ZNF184: variants seen among roughly 807,000 people sequenced by gnomAD.
ZNF184 encodes zinc finger protein 184 (Kruppel-like).
A neutral mutation model predicts 54.4 loss-of-function variants in ZNF184; 16 were observed. The ratio of observed to expected loss-of-function variants is 0.29; its 90% CI spans 0.20 to 0.45. The LOEUF (loss-of-function observed/expected upper bound fraction) is 0.45, where lower values mean the gene tolerates loss of function less well. Ranked by LOEUF, ZNF184 falls within the 20% of genes least tolerant of loss-of-function variation. The pLI is 1.00. For missense variants in ZNF184, 681 were observed against 888.2 expected (o/e 0.77, Z 2.97); for synonymous variants, 254 against 295.3 (o/e 0.86, Z 1.43).
the ZNF184 span, among the ~76,000 whole-genome samples, chr6:27,422,257 A>G: frequency 6.7e-6 from 1 of 148,988 alleles, no homozygotes; most frequent in Non-Finnish European, 1.5e-5. Flanking sequence ...CACATACAGC[A>G]GAGTCTAACG....
intron 5 of ZNF184, among the ~76,000 whole-genome samples, chr6:27,455,680 C>A (rs985312834): frequency 1.4e-4 from 21 of 151,846 alleles, no homozygotes; most frequent in African/African-American, 5.1e-4. Flanking sequence ...TTCTATGCAA[C>A]CCTGTTGAGC....
At chr6:27,445,005 G>C in the ZNF184 span, among the ~76,000 whole-genome samples, 1 of 152,182 alleles carries the variant, frequency 6.6e-6, no homozygotes, top group South Asian at 2.1e-4. Context: ...TGGGTGGTGG[G>C]AGTGTAAATT....
intron 2 of ZNF184, 54 bp from the exon 3 acceptor site, chr6:27,467,974 C>A: frequency 1.5e-6 from 2 of 1,372,350 alleles, no homozygotes; most frequent in Non-Finnish European, 2.0e-6. Flanking sequence ...CCATTCCCAG[C>A]AATCCATAAA....
chr6:27,406,523 C>G, the ZNF184 span: 4 of 152,236 alleles, frequency 2.6e-5, no homozygotes, highest in African/African-American at 7.2e-5. Flanking sequence ...AAGCCGGGCA[C>G]CTTGGCCAGT....
chr6:27,422,140 CAAA>C, the ZNF184 span, among the ~76,000 whole-genome samples: 88 of 29,332 alleles, frequency 3.0e-3, 3 homozygotes, highest in East Asian at 0.033. Context: ...GGCCGTACCT[CAAA>C]AAAAAAAAGA....
chr6:27,472,254 A>G lies in ZNF184; in HGVS notation c.7+34T>C, dbSNP rs1013637411. The G allele has an allele frequency of 6.2e-6, 10 of 1,613,086 alleles. No individual in the cohort carries two copies. In the Admixed American group the frequency reaches 1.5e-4, roughly 24 times the overall value. ...CAGTCATGACTGTTCTCAAGCCTCC[A>G]TCACCCCGCTCTCCCCCAAGTCGAC... On this transcript the variant is annotated intron_variant, in intron 2 of 5. Transcript: ENST00000683788. This position sits in a 1 kb window ranked among gnomAD's most constrained non-coding sequence, Gnocchi z 4.8.
chr6:27,415,725 C>T, the ZNF184 span, among the ~76,000 whole-genome samples: 1 of 152,096 alleles, frequency 6.6e-6, no homozygotes, highest in Non-Finnish European at 1.5e-5. Flanking sequence ...GACATTATAG[C>T]GGTTGAAAAA....
the ZNF184 span, among the ~76,000 whole-genome samples, chr6:27,428,484 A>G: frequency 3.9e-5 from 6 of 152,218 alleles, no homozygotes; most frequent in African/African-American, 1.4e-4. The surrounding 1 kb of genome is among the most constrained non-coding windows in gnomAD (Gnocchi z 4.1). Flanking sequence ...GTCAATGAAT[A>G]AAGGTCAAGT....
At chr6:27,430,059 G>A in the ZNF184 span, among the ~76,000 whole-genome samples, 1 of 152,168 alleles carries the variant, frequency 6.6e-6, no homozygotes, top group Non-Finnish European at 1.5e-5. Flanking sequence ...GAAGATAAGA[G>A]TTAATTTAAC....
chr6:27,465,202 C>T (rs1206969122), intron 3 of ZNF184, among the ~76,000 whole-genome samples: 2 of 149,304 alleles, frequency 1.3e-5, no homozygotes, highest in African/African-American at 2.5e-5. Flanking sequence ...AAGAAAAACC[C>T]GGCAGGGCGC....
the ZNF184 span, among the ~76,000 whole-genome samples, chr6:27,442,900 A>G: frequency 0.6 from 69,457 of 115,998 alleles, 24,090 homozygotes; most frequent in Middle Eastern, 0.79. Flanking sequence ...AAGAAAGAAA[A>G]AAAAAAAGAA....
chr6:27,445,326 G>A, the ZNF184 span, among the ~76,000 whole-genome samples: 2 of 152,138 alleles, frequency 1.3e-5, no homozygotes, highest in African/African-American at 2.4e-5. Flanking sequence ...ACAAACAGTA[G>A]GTAAAAAATG....
At chr6:27,407,551 G>A in the ZNF184 span, 1 of 450,548 alleles carries the variant, frequency 2.2e-6, no homozygotes, top group South Asian at 2.1e-5. Flanking sequence ...AGTGTCAGCA[G>A]GACAATTATA....
At chr6:27,462,442 C>A (rs977040476) in intron 3 of ZNF184, among the ~76,000 whole-genome samples, 1 of 151,332 alleles carries the variant, frequency 6.6e-6, no homozygotes, top group Non-Finnish European at 1.5e-5. Context: ...TCGTGATCCA[C>A]CCGCCTTGGC....
the ZNF184 span, among the ~76,000 whole-genome samples, chr6:27,422,200 G>A: frequency 1.2e-3 from 104 of 89,290 alleles, 15 homozygotes; most frequent in South Asian, 4.3e-3. Context: ...AAGAAAGAAA[G>A]AAAGAAAGAA....
downstream of ZNF184, among the ~76,000 whole-genome samples, chr6:27,448,566 T>C (rs1762664083): frequency 6.6e-6 from 1 of 152,150 alleles, no homozygotes; most frequent in African/African-American, 2.4e-5. Context: ...CCCCCAGCTC[T>C]CTCTCTGACC....
chr6:27,409,023 C>G, the ZNF184 span, among the ~76,000 whole-genome samples: 3 of 151,810 alleles, frequency 2.0e-5, no homozygotes, highest in Non-Finnish European at 2.9e-5. Flanking sequence ...GAAAAGGAAC[C>G]CTAAAAATCT....
chr6:27,444,760 G>T, the ZNF184 span, among the ~76,000 whole-genome samples: 2 of 152,144 alleles, frequency 1.3e-5, no homozygotes, highest in South Asian at 4.2e-4. Flanking sequence ...AGCTTCTGGG[G>T]TACCACACTC....
rs1762865015 is a variant in ZNF184 at position 27,456,766 on chromosome 6, T to G, written c.298+60A>C. ...CATCTACACTTCAGACATAAAATCC[T>G]CTCTTATCAGGCTGACAGTCGGAGT... On this transcript the variant is annotated intron_variant, in intron 5 of 5. Transcript: ENST00000683788. 9.9e-6 allele frequency: 14 copies of G among 1,420,240 alleles called. No homozygotes were observed. In the South Asian group the frequency reaches 1.5e-4, roughly 16 times the overall value. The allele number at this position is 1,420,240 out of a possible 1,614,324, so 88.0% of individuals were successfully genotyped here.
Sources: allele counts gnomAD v4.1 joint callset (sites outside exome capture counted in the v4.1 genomes callset), GRCh38; gene constraint gnomAD v4.1.1; non-coding constraint Gnocchi (gnomAD v3.1); transcripts MANE v1.5; gene names NCBI Gene and HGNC (gene_info 2026-07-23, HGNC 2026-07-21).